FBXO47: variants seen among roughly 807,000 people sequenced by gnomAD.
The protein encoded by FBXO47 is F-box only protein 47.
FBXO47 carries 34 observed loss-of-function variants against 53.9 expected under a neutral mutation model. That is an observed-to-expected ratio of 0.63 (90% CI 0.48 to 0.84). The LOEUF is 0.84. FBXO47 is among the 40% of genes least tolerant of loss of function. The pLI is 0.00. For missense variants in FBXO47, 485 were observed against 541.3 expected, an observed-to-expected ratio of 0.90 and a Z score of 1.03; for synonymous variants, 165 against 181.6, an observed-to-expected ratio of 0.91 and a Z score of 0.73.
chr17:38,963,802 G>GTT (rs377210713), intron 1 of FBXO47, among the ~76,000 whole-genome samples: 16,186 of 128,512 alleles, frequency 0.13, 1,529 homozygotes, highest in East Asian at 0.26. Context: ...TTGTTTTGTT[G>GTT]TTTTTTTTTT....
At chr17:38,959,835 C>T (rs1003783982) in intron 3 of FBXO47, among the ~76,000 whole-genome samples, 3 of 151,816 alleles carry the variant, frequency 2.0e-5, no homozygotes, top group African/African-American at 4.8e-5. Flanking sequence ...ATTCTATTTT[C>T]CTAAAATGGC....
intron 2 of FBXO47, among the ~76,000 whole-genome samples, 165 bp downstream of exon 2, chr17:38,962,680 T>G (rs568768750): frequency 6.6e-6 from 1 of 150,918 alleles, no homozygotes; most frequent in South Asian, 2.1e-4. Flanking sequence ...TTTCTCATTG[T>G]ACTCCTTACC....
chr17:38,952,867 T>C (rs1422778023), intron 5 of FBXO47, among the ~76,000 whole-genome samples: 1 of 146,716 alleles, frequency 6.8e-6, no homozygotes, highest in Non-Finnish European at 1.5e-5. Flanking sequence ...TTGGCCAGAC[T>C]AGTCTTGAAC....
chr17:38,946,381 A>AAT (rs1207666363), intron 6 of FBXO47, among the ~76,000 whole-genome samples: 1 of 87,752 alleles, frequency 1.1e-5, no homozygotes, highest in Non-Finnish European at 1.9e-5. Flanking sequence ...TATATATATA[A>AAT]ATATATATAT....
At chr17:38,947,189 A>G (rs909282613) in intron 6 of FBXO47, among the ~76,000 whole-genome samples, 36 of 149,980 alleles carry the variant, frequency 2.4e-4, no homozygotes, top group African/African-American at 8.8e-4. Context: ...GATCCCAGCT[A>G]CTCAGGAGGC....
At chr17:38,947,033 TATATGTAAATATATAA>T (rs1904962409) in intron 6 of FBXO47, among the ~76,000 whole-genome samples, 2 of 131,910 alleles carry the variant, frequency 1.5e-5, no homozygotes, top group African/African-American at 6.3e-5. Context: ...CATATACAAA[TATATGTAAATATATAA>T]AAACATATAT....
At chr17:38,937,405 G>A in intron 10 of FBXO47, 115 bp from the exon 11 acceptor site, 1 of 365,226 alleles carries the variant, frequency 2.7e-6, no homozygotes. Flanking sequence ...TGCTTAGGCT[G>A]GAATGCAGTG....
intron 9 of FBXO47, among the ~76,000 whole-genome samples, chr17:38,940,080 A>G (rs1298568260): frequency 1.3e-5 from 2 of 152,042 alleles, no homozygotes; most frequent in East Asian, 3.8e-4. Context: ...GCACTGTGAT[A>G]GGAAAGATCT....
At position 38,959,624 on chromosome 17, in the gene FBXO47, T is replaced by TTGTGTGTG. The variant is rs34354922; in HGVS notation, c.352+2245_352+2252dup. Among the ~76,000 whole-genome samples, 249 of 126,248 alleles carry TTGTGTGTG rather than the reference T, an allele frequency of 2.0e-3. 1 individual carries two copies. Among genetic ancestry groups the TTGTGTGTG allele is most frequent in the Middle Eastern group, 7.6e-3 (2 of 262 alleles). 82.8% of individuals were successfully genotyped at this position (126,248 alleles called of 152,430 possible). A position where few individuals can be genotyped will look rare whatever the true frequency, so the allele number is the denominator to read the frequency against. ...AAAAAGAAAATTATTCTTCAAAGCATTGTGTGTGTGTGTGTGTGTGTGTGT... is the reference window on the plus strand; with the variant it reads ...AAAAAGAAAATTATTCTTCAAAGCATTGTGTGTGTGTGTGTGTGTGTGTGTGTGTGTGT... On this transcript the variant is annotated intron_variant, in intron 3 of 10. Transcript: ENST00000378079.
chr17:38,941,958 G>A (rs1904530732), intron 9 of FBXO47, among the ~76,000 whole-genome samples: 1 of 151,898 alleles, frequency 6.6e-6, no homozygotes, highest in African/African-American at 2.4e-5. Context: ...TTACAGGTGT[G>A]AGCCATCCCG....
intron 6 of FBXO47, among the ~76,000 whole-genome samples, chr17:38,946,843 AAC>A (rs1237087209): frequency 6.8e-5 from 7 of 103,018 alleles, no homozygotes; most frequent in African/African-American, 3.0e-4. Flanking sequence ...AATATATATA[AAC>A]ATATAAAAAT....
chr17:38,944,848 A>ATGTGTG lies in FBXO47; in HGVS notation c.793+106_793+111dup, dbSNP rs71300085. The ATGTGTG allele has an allele frequency of 2.3e-4, 144 of 616,862 alleles. 2 individuals carry two copies. Among genetic ancestry groups the ATGTGTG allele is most frequent in the African/African-American group, 1.9e-3 (98 of 52,184 alleles). 38.2% of individuals were successfully genotyped at this position (616,862 alleles called of 1,614,324 possible). On this transcript the variant is annotated intron_variant, in intron 7 of 10. Transcript: ENST00000378079. The stretch of plus-strand genomic sequence containing the variant: ...ATCGCACCACTGTGTGCGTGCATGC[A>ATGTGTG]TGTGTGTGTGTGTGTGTGTGTGTAT...
intron 6 of FBXO47, among the ~76,000 whole-genome samples, chr17:38,947,025 T>C (rs1303907701): frequency 1.5e-5 from 2 of 136,020 alleles, no homozygotes; most frequent in South Asian, 4.3e-4. Context: ...TATATAAACA[T>C]ATACAAATAT....
At chr17:38,946,471 T>C (rs185032892) in intron 6 of FBXO47, among the ~76,000 whole-genome samples, 6 of 89,934 alleles carry the variant, frequency 6.7e-5, no homozygotes, top group Admixed American at 3.5e-4. Context: ...TATATGAATA[T>C]ATATAACTAT....
chr17:38,963,802 G>GTTTTTTTTTTTTT (rs377210713), intron 1 of FBXO47, among the ~76,000 whole-genome samples: 5 of 128,638 alleles, frequency 3.9e-5, no homozygotes, highest in Non-Finnish European at 6.5e-5. Flanking sequence ...TTGTTTTGTT[G>GTTTTTTTTTTTTT]TTTTTTTTTT....
intron 9 of FBXO47, among the ~76,000 whole-genome samples, chr17:38,939,323 A>AAAAT (rs1555559726): frequency 5.6e-4 from 28 of 50,138 alleles, no homozygotes; most frequent in African/African-American, 9.0e-4. Context: ...AAAAAAAAAA[A>AAAAT]ATATATATAT....
In FBXO47 at chr17:38,944,476, G is replaced by A. The variant is rs1396360716; in HGVS notation, c.793+484C>T. On this transcript the variant is annotated intron_variant, in intron 7 of 10. Transcript: ENST00000378079. ...CCAGCACTTTGGAAGGCCGAGGTGGGAAGATCACAAGGTCAGGAGATCGAG... is the reference window on the plus strand; with the variant it reads ...CCAGCACTTTGGAAGGCCGAGGTGGAAAGATCACAAGGTCAGGAGATCGAG... 3.3e-5 allele frequency among the ~76,000 whole-genome samples: 5 copies of A among 151,700 alleles called. No individual in the cohort carries two copies. In the East Asian group the frequency reaches 9.7e-4, roughly 29 times the overall value.
chr17:38,956,497 A>T (rs1395265777), intron 4 of FBXO47, among the ~76,000 whole-genome samples: 16 of 151,622 alleles, frequency 1.1e-4, no homozygotes, highest in Non-Finnish European at 1.5e-5. Flanking sequence ...CTGAGACAGG[A>T]GAATAGCTTG....
At chr17:38,966,182 CCTTAA>C (rs940426262) in intron 1 of FBXO47, among the ~76,000 whole-genome samples, 6 of 152,008 alleles carry the variant, frequency 3.9e-5, no homozygotes, top group African/African-American at 9.7e-5. Context: ...CTGTTTGTAA[CCTTAA>C]CTTTTCACAG....
Sources: gnomAD v4.1 joint callset for allele counts (sites outside exome capture counted in the v4.1 genomes callset) on GRCh38, gnomAD v4.1.1 for gene constraint, MANE v1.5 for transcripts, NCBI Gene and HGNC (gene_info 2026-07-23, HGNC 2026-07-21) for gene names.